The following TRPM2 variants were observed in gnomAD, a reference collection of about 807,000 sequenced individuals.
The protein encoded by TRPM2 is estrogen-responsive element-associated gene 1 protein.
In TRPM2, 161 loss-of-function variants were observed where a neutral mutation model predicts 174.0. The observed-to-expected ratio is 0.93, with a 90% CI of 0.81 to 1.05. The LOEUF is 1.05. Among genes scored for constraint, TRPM2 ranks in the 50% least tolerant of loss-of-function variants. TRPM2 has a pLI of 0.00. For synonymous variants in TRPM2, 954 were observed against 861.3 expected, an observed-to-expected ratio of 1.11 and a Z score of -1.88; for missense variants, 2,057 against 2,038.0, an observed-to-expected ratio of 1.01 and a Z score of -0.18.
intron 7 of TRPM2, 52 bp downstream of exon 7, chr21:44,377,825 C>G: frequency 6.3e-7 from 1 of 1,598,140 alleles, no homozygotes; most frequent in Non-Finnish European, 8.6e-7. Flanking sequence ...CTGCTGCAGG[C>G]AGATGACTGT....
At chr21:44,418,359 C>A in intron 21 of TRPM2, 64 bp from the exon 22 acceptor site, 1 of 1,588,084 alleles carries the variant, frequency 6.3e-7, no homozygotes, top group South Asian at 1.1e-5. Flanking sequence ...CCCGGTGGGT[C>A]AGGGCTTCAG....
chr21:44,405,084 A>G, intron 16 of TRPM2, 58 bp from the exon 17 acceptor site: 1 of 1,603,320 alleles, frequency 6.2e-7, no homozygotes, highest in Non-Finnish European at 8.5e-7. Context: ...TGACAGTGAC[A>G]GTGAGGATAG....
At chr21:44,426,613 T>C in intron 25 of TRPM2, 47 bp from the exon 26 acceptor site, 1 of 1,599,100 alleles carries the variant, frequency 6.3e-7, no homozygotes, top group East Asian at 2.2e-5. Context: ...GGCCCAGCTT[T>C]GCAGTGGGGG....
chr21:44,437,788 T>C (rs1185090656), intron 29 of TRPM2, among the ~76,000 whole-genome samples: 23 of 152,194 alleles, frequency 1.5e-4, no homozygotes, highest in Non-Finnish European at 1.5e-5. Flanking sequence ...TCCTGTTTCC[T>C]CCCAGGCCAG....
At position 44,406,755 on chromosome 21, in the gene TRPM2, C is replaced by A. The variant is rs139444096; in HGVS notation, c.2952C>A (p.Gly984=). 16 of 1,603,572 alleles carry A rather than the reference C, an allele frequency of 1.0e-5. No homozygotes were observed. The African/African-American group carries it at 1.5e-4, about 15-fold the overall frequency. ...SYLTIFGQIP[G]YIDGVNFNPE... Reference sequence around the variant, plus strand: ...TCACCATCTTCGGGCAGATCCCGGGCTACATCGACGGTAGGAGCCGGGCGC... The same window carrying A: ...TCACCATCTTCGGGCAGATCCCGGGATACATCGACGGTAGGAGCCGGGCGC... Residue 984 remains glycine, a synonymous_variant, in exon 19 of 32, where the codon GGC becomes GGA. Coordinates refer to ENST00000397928, the MANE Select transcript of TRPM2 (RefSeq NM_003307.4).
At chr21:44,381,042 G>A (rs751849899) in intron 8 of TRPM2, among the ~76,000 whole-genome samples, 5 of 152,058 alleles carry the variant, frequency 3.3e-5, no homozygotes, top group Non-Finnish European at 5.9e-5. Context: ...GGTGGAGTTC[G>A]CCAGGGAGCT....
rs1006247418 is a variant in TRPM2, at chr21:44,425,525, G to C, written c.3638-145G>C. ...GGGCCCTGCCCACTTCAGAGCTGGT[G>C]TTCGACCTGCATGGCCATTTGGGCT... On this transcript the variant is annotated intron_variant, in intron 24 of 31. Transcript: ENST00000397928. The C allele has an allele frequency of 3.9e-6, 4 of 1,030,168 alleles. No homozygotes were observed. In the African/African-American group the frequency reaches 6.6e-5, roughly 17 times the overall value. 63.8% of individuals were successfully genotyped at this position (1,030,168 alleles called of 1,614,324 possible). A position where few individuals can be genotyped will look rare whatever the true frequency, so the allele number is the denominator to read the frequency against.
At chr21:44,381,205 G>A (rs561491774) in intron 8 of TRPM2, among the ~76,000 whole-genome samples, 36 of 152,194 alleles carry the variant, frequency 2.4e-4, no homozygotes, top group African/African-American at 8.4e-4. Flanking sequence ...GAGGAGAGAA[G>A]CAGGGGAGGC....
intron 20 of TRPM2, among the ~76,000 whole-genome samples, chr21:44,416,991 T>G (rs373961410): frequency 7.1e-4 from 57 of 80,528 alleles, no homozygotes; most frequent in East Asian, 2.5e-3. Context: ...CATCACAGTG[T>G]GCACGTGGGC....
At position 44,425,814 on chromosome 21, in the gene TRPM2, A is replaced by C; in HGVS notation, c.3782A>C (p.Lys1261Thr). 1 of 1,575,928 alleles carries C rather than the reference A, an allele frequency of 6.3e-7. No individual in the cohort carries two copies. Among genetic ancestry groups the C allele is most frequent in the Non-Finnish European group, 8.7e-7 (1 of 1,152,620 alleles). The change falls in exon 25 of 32, where the codon AAG becomes ACG. Residue 1261 changes from lysine (K) to threonine (T), a missense_variant. Lys to Thr is a moderately conservative substitution (Grantham distance 78). Coordinates refer to ENST00000397928, the MANE Select transcript of TRPM2 (RefSeq NM_003307.4). ...PVTRFPVPNEKVPWETEFLIY... is the reference protein window; with the variant it reads ...PVTRFPVPNETVPWETEFLIY... Reference sequence around the variant, plus strand: ...ACGCGCTTCCCCGTGCCCAACGAGAAGGTGCCCTGGGAGGTGAGCGCCTGC... The same window carrying C: ...ACGCGCTTCCCCGTGCCCAACGAGACGGTGCCCTGGGAGGTGAGCGCCTGC...
Position 44,378,979 on chromosome 21 carries a change from C to T in TRPM2, c.1015-18C>T, listed in dbSNP as rs759317017. The T allele has an allele frequency of 1.9e-6, 3 of 1,599,352 alleles. No homozygotes were observed. Among genetic ancestry groups the T allele is most frequent in the Admixed American group, 1.7e-5 (1 of 59,974 alleles). The stretch of plus-strand genomic sequence containing the variant: ...GTGAGGACCCAGTCCCGGGCTCACA[C>T]CCCCACCTGCCTTGCAGACCATCGA... On this transcript the variant is annotated intron_variant, in intron 7 of 31. Coordinates refer to ENST00000397928, the MANE Select transcript of TRPM2 (RefSeq NM_003307.4).
rs182151600 is a variant in TRPM2 at position 44,405,640 on chromosome 21, G to A, written c.2658-265G>A. 2.8e-3 allele frequency among the ~76,000 whole-genome samples: 422 copies of A among 152,264 alleles called. 1 individual carries two copies. The highest frequency in any genetic ancestry group is 9.4e-3 in the African/African-American group (391 of 41,562). On this transcript the variant is annotated intron_variant, in intron 17 of 31. Transcript: ENST00000397928. ...CTGCGAGGCCGCGGCCCCCTTTCTC[G>A]GAGGCAATAGGGCCCTGGCTAACTG...
chr21:44,427,196 T>C (rs972267918), intron 27 of TRPM2, 85 bp downstream of exon 27: 1 of 1,186,826 alleles, frequency 8.4e-7, no homozygotes, highest in African/African-American at 1.6e-5. Context: ...AAAGGAAGCA[T>C]TTTTCTCATA....
intron 19 of TRPM2, among the ~76,000 whole-genome samples, chr21:44,408,545 G>A (rs1267691480): frequency 1.3e-5 from 2 of 150,738 alleles, no homozygotes; most frequent in Admixed American, 6.7e-5. Flanking sequence ...TCTCCTTGTC[G>A]CTTTGACGGG....
intron 11 of TRPM2, among the ~76,000 whole-genome samples, chr21:44,392,471 G>A (rs1167364773): frequency 1.3e-5 from 2 of 150,612 alleles, no homozygotes; most frequent in Non-Finnish European, 2.9e-5. Flanking sequence ...TCATTATATG[G>A]CCCAGGCTGG....
intron 27 of TRPM2, 54 bp from the exon 28 acceptor site, chr21:44,435,077 G>T: frequency 1.3e-6 from 2 of 1,573,628 alleles, no homozygotes; most frequent in South Asian, 1.1e-5. Context: ...TCCCTGCCCT[G>T]TCCTGCTCCC....
chr21:44,362,347 A>G (rs12483752), intron 2 of TRPM2, among the ~76,000 whole-genome samples: 4 of 125,512 alleles, frequency 3.2e-5, no homozygotes, highest in Non-Finnish European at 4.8e-5. Flanking sequence ...TACTAAAAAT[A>G]CAAAAAAAAA....
At chr21:44,400,225 G>A in intron 14 of TRPM2, 34 bp from the exon 15 acceptor site, 1 of 1,584,126 alleles carries the variant, frequency 6.3e-7, no homozygotes, top group South Asian at 1.1e-5. Context: ...CACAGGGCTG[G>A]GCACTGCCAT....
At chr21:44,352,607 C>T (rs977912346), upstream of TRPM2, among the ~76,000 whole-genome samples, 1 of 152,174 alleles carries the variant, frequency 6.6e-6, no homozygotes, top group Admixed American at 6.5e-5. Context: ...CCCTTGACAC[C>T]TTTGGGGCAG....
Sources: allele counts gnomAD v4.1 joint callset (sites outside exome capture counted in the v4.1 genomes callset), GRCh38; gene constraint gnomAD v4.1.1; transcripts MANE v1.5; gene names NCBI Gene and HGNC (gene_info 2026-07-23, HGNC 2026-07-21).